RORA: variants seen among roughly 807,000 people sequenced by gnomAD.
RORA encodes nuclear receptor ROR-alpha.
RORA carries 7 observed loss-of-function variants against 69.5 expected under a neutral mutation model. That is an observed-to-expected ratio of 0.10 (90% CI 0.06 to 0.19). The LOEUF (loss-of-function observed/expected upper bound fraction) is 0.19, where lower values mean the gene tolerates loss of function less well. Among genes scored for constraint, RORA ranks in the 10% least tolerant of loss-of-function variants. RORA has a pLI of 1.00. For missense variants in RORA, 457 were observed against 663.0 expected (o/e 0.69, Z 3.41); for synonymous variants, 261 against 240.8 (o/e 1.08, Z -0.78).
At chr15:60,519,288 C>A (rs1001251201) in intron 3 of RORA, among the ~76,000 whole-genome samples, 2 of 152,042 alleles carry the variant, frequency 1.3e-5, no homozygotes, top group Non-Finnish European at 2.9e-5. Context: ...GCACTCTATG[C>A]TTTATGTGGA....
At chr15:61,155,723 T>C (rs570797263) in intron 1 of RORA, among the ~76,000 whole-genome samples, 30 of 152,132 alleles carry the variant, frequency 2.0e-4, no homozygotes, top group Non-Finnish European at 3.8e-4. Flanking sequence ...AATAGTTTCC[T>C]CCAATAACAT....
intron 2 of RORA, chr15:60,677,342 C>T (rs1423244941): frequency 1.7e-5 from 7 of 404,742 alleles, no homozygotes; most frequent in Non-Finnish European, 5.2e-6. Flanking sequence ...AACGACAAAA[C>T]AACCCCCAAA....
At chr15:60,900,745 G>A (rs1404690491) in intron 1 of RORA, among the ~76,000 whole-genome samples, 3 of 152,038 alleles carry the variant, frequency 2.0e-5, no homozygotes, top group Non-Finnish European at 2.9e-5. Flanking sequence ...GGTGGTGTGC[G>A]CCTGTAGTCC....
chr15:60,543,531 T>C (rs9920930), intron 2 of RORA, among the ~76,000 whole-genome samples: 127,373 of 152,004 alleles, frequency 0.84, 54,589 homozygotes, highest in East Asian at 1. Flanking sequence ...CAGGCTGGAG[T>C]GCAGTGGTGC....
chr15:60,981,462 G>A (rs1265468753), intron 1 of RORA, among the ~76,000 whole-genome samples: 2 of 151,898 alleles, frequency 1.3e-5, no homozygotes, highest in African/African-American at 4.8e-5. Context: ...AATGTCCTCC[G>A]GTCTCCTAGG....
chr15:60,677,334 C>T (rs945432913), intron 2 of RORA: 27 of 409,564 alleles, frequency 6.6e-5, no homozygotes, highest in Admixed American at 3.8e-4. Flanking sequence ...ACAACAACAA[C>T]GACAAAACAA....
intron 1 of RORA, among the ~76,000 whole-genome samples, chr15:61,011,876 G>A (rs1348212521): frequency 6.6e-6 from 1 of 152,222 alleles, no homozygotes; most frequent in Non-Finnish European, 1.5e-5. Context: ...CACTAGTAAT[G>A]AGGCACTCAT....
At chr15:60,740,107 A>T (rs78201057) in intron 1 of RORA, among the ~76,000 whole-genome samples, 1 of 151,212 alleles carries the variant, frequency 6.6e-6, no homozygotes, top group Non-Finnish European at 1.5e-5. Flanking sequence ...TGAGATTATC[A>T]CTCCCTTTTT....
chr15:61,118,002 T>G lies in RORA; in HGVS notation c.166+111051A>C, dbSNP rs558767874. ...GCAACCTCATTCATTGACTCATACATTTATTCAACAAAGGCGTATTCGGTT... is the reference window on the plus strand; with the variant it reads ...GCAACCTCATTCATTGACTCATACAGTTATTCAACAAAGGCGTATTCGGTT... On this transcript the variant is annotated intron_variant, in intron 1 of 10. Transcript: ENST00000335670. Among the ~76,000 whole-genome samples, 6 of 152,320 alleles carry G rather than the reference T, an allele frequency of 3.9e-5. No homozygotes were observed. In the South Asian group the frequency reaches 6.2e-4, roughly 16 times the overall value.
At chr15:60,802,229 C>A (rs903549595) in intron 1 of RORA, among the ~76,000 whole-genome samples, 1 of 152,326 alleles carries the variant, frequency 6.6e-6, no homozygotes, top group East Asian at 1.9e-4. Flanking sequence ...CCGTTACAAC[C>A]TTCTGGTCAA....
chr15:60,809,662 T>C (rs75255683), intron 1 of RORA, among the ~76,000 whole-genome samples: 34 of 151,690 alleles, frequency 2.2e-4, no homozygotes, highest in African/African-American at 8.2e-4. Context: ...ATCCTGCCAA[T>C]TGCAATTTAT....
chr15:60,860,892 T>C (rs1390138521), intron 1 of RORA, among the ~76,000 whole-genome samples: 1 of 152,222 alleles, frequency 6.6e-6, no homozygotes, highest in East Asian at 1.9e-4. Flanking sequence ...GACCATCCAC[T>C]GCGTCCCAGA....
At chr15:61,007,225 G>T (rs941283834) in intron 1 of RORA, among the ~76,000 whole-genome samples, 2 of 152,164 alleles carry the variant, frequency 1.3e-5, no homozygotes, top group Admixed American at 1.3e-4. Context: ...CAAGGTAGGT[G>T]GTTGGTTGTT....
intron 2 of RORA, among the ~76,000 whole-genome samples, chr15:60,590,653 CACTT>C (rs1249053715): frequency 6.6e-6 from 1 of 151,544 alleles, no homozygotes; most frequent in Non-Finnish European, 1.5e-5. Context: ...AGACGTTTCA[CACTT>C]ACAGGGCTAA....
intron 1 of RORA, among the ~76,000 whole-genome samples, chr15:60,847,255 C>T (rs767730550): frequency 3.3e-5 from 5 of 151,140 alleles, no homozygotes; most frequent in East Asian, 1.9e-4. Flanking sequence ...TAAGGGTGAA[C>T]GCAGAGGTGA....
intron 1 of RORA, among the ~76,000 whole-genome samples, chr15:60,835,473 T>C (rs1481113973): frequency 1.3e-5 from 2 of 152,112 alleles, no homozygotes; most frequent in South Asian, 2.1e-4. Context: ...AGCTCTCTGA[T>C]TGGCCTTCCA....
intron 1 of RORA, among the ~76,000 whole-genome samples, chr15:60,754,172 T>C (rs750517536): frequency 6.6e-6 from 1 of 152,246 alleles, no homozygotes; most frequent in East Asian, 1.9e-4. Flanking sequence ...ATTCACAATA[T>C]AGCATGAGGT....
At position 60,568,625 on chromosome 15, in the gene RORA, C is replaced by A. The variant is rs907761455; in HGVS notation, c.197-36774G>T. Among the ~76,000 whole-genome samples the A allele has an allele frequency of 2.4e-4, 37 of 152,178 alleles. 1 individual carries two copies. Among genetic ancestry groups the A allele is most frequent in the Non-Finnish European group, 5.9e-5 (4 of 68,030 alleles). On this transcript the variant is annotated intron_variant, in intron 2 of 10. Transcript: ENST00000335670. ...CTGCTATGGGAGGCAGGAAGCAGGC[C>A]AGGCACAGATCCTGGAACACATCAG...
chr15:61,203,421 C>T (rs997318012), intron 1 of RORA, among the ~76,000 whole-genome samples: 6 of 152,148 alleles, frequency 3.9e-5, no homozygotes, highest in African/African-American at 1.4e-4. Flanking sequence ...GTAAAACCAT[C>T]ATCACTTCAT....
Sources: allele counts gnomAD v4.1 joint callset (sites outside exome capture counted in the v4.1 genomes callset), GRCh38; gene constraint gnomAD v4.1.1; transcripts MANE v1.5; gene names NCBI Gene and HGNC (gene_info 2026-07-23, HGNC 2026-07-21).